Variants in DUS2 observed in about 807,000 individuals in gnomAD.
DUS2 encodes dihydrouridine synthase 2.
In DUS2, 52 loss-of-function variants were observed where a neutral mutation model predicts 71.3. That is an observed-to-expected ratio of 0.73 (90% CI 0.58 to 0.92). The LOEUF is 0.92. DUS2 is among the 40% of genes least tolerant of loss of function. The pLI is 0.00. For synonymous variants in DUS2, 204 were observed against 227.8 expected, an observed-to-expected ratio of 0.90 and a Z score of 0.94; for missense variants, 558 against 622.6, an observed-to-expected ratio of 0.90 and a Z score of 1.10.
At position 68,078,939 on chromosome 16, in the gene DUS2, T is replaced by A. The variant is rs780521867; in HGVS notation, c.1435T>A (p.Phe479Ile). The A allele has an allele frequency of 5.0e-6, 8 of 1,598,800 alleles. No individual in the cohort carries two copies. The highest frequency in any genetic ancestry group is 6.8e-6 in the Non-Finnish European group (8 of 1,170,224). ...AQPGDLCKKPFVALGSGEESP... is the reference protein window; with the variant it reads ...AQPGDLCKKPIVALGSGEESP... Reference sequence around the variant, plus strand: ...ACCTGGGGATCTGTGCAAGAAGCCCTTTGTGGCCTTGGGAAGTGGTGAAGA... The same window carrying A: ...ACCTGGGGATCTGTGCAAGAAGCCCATTGTGGCCTTGGGAAGTGGTGAAGA... Residue 479 changes from phenylalanine to isoleucine, a missense_variant, in exon 17 of 17, where the codon TTT (phenylalanine) becomes ATT (isoleucine). Coordinates refer to ENST00000565263, the MANE Select transcript of DUS2 (RefSeq NM_017803.5).
chr16:68,034,824 C>T (rs934872503), intron 2 of DUS2, among the ~76,000 whole-genome samples: 1 of 151,986 alleles, frequency 6.6e-6, no homozygotes, highest in African/African-American at 2.4e-5. Flanking sequence ...GGCAAAGCCC[C>T]ATTTCTACTA....
intron 2 of DUS2, among the ~76,000 whole-genome samples, chr16:68,031,973 G>A (rs983915158): frequency 6.6e-6 from 1 of 152,208 alleles, no homozygotes; most frequent in African/African-American, 2.4e-5. Context: ...GGGATTATAG[G>A]CATGAGCCAC....
intron 4 of DUS2, 30 bp downstream of exon 4, chr16:68,049,580 C>T (rs1199135830): frequency 3.1e-6 from 5 of 1,610,314 alleles, no homozygotes; most frequent in Non-Finnish European, 4.2e-6. Flanking sequence ...CAGAATTATG[C>T]ATATGCCCTG....
At chr16:68,029,170 A>G (rs1598298318) in intron 2 of DUS2, among the ~76,000 whole-genome samples, 1 of 151,668 alleles carries the variant, frequency 6.6e-6, no homozygotes, top group South Asian at 2.1e-4. Context: ...GTGCCGCTGC[A>G]CTCCAGCCTG....
intron 3 of DUS2, among the ~76,000 whole-genome samples, chr16:68,047,807 G>T (rs1212261493): frequency 2.0e-5 from 3 of 148,822 alleles, no homozygotes; most frequent in African/African-American, 7.4e-5. Flanking sequence ...TTTGAGACAG[G>T]TGTCACTCTG....
intron 3 of DUS2, 34 bp from the exon 4 acceptor site, chr16:68,049,471 C>T (rs1205828951): frequency 1.9e-6 from 3 of 1,611,796 alleles, no homozygotes; most frequent in Non-Finnish European, 2.5e-6. Flanking sequence ...CCTACATGTT[C>T]AGGAATGACA....
At position 68,070,974 on chromosome 16, in the gene DUS2, G is replaced by A; in HGVS notation, c.676G>A (p.Asp226Asn). The A allele has an allele frequency of 6.2e-7, 1 of 1,614,194 alleles. No homozygotes were observed. Among genetic ancestry groups the A allele is most frequent in the Non-Finnish European group, 8.5e-7 (1 of 1,180,034 alleles). Residue 226 changes from aspartate to asparagine, a missense_variant, in exon 12 of 17, where the codon GAC becomes AAC. By Grantham distance (23) the Asp-to-Asn change is conservative (BLOSUM62 1). Transcript: ENST00000565263. ...TCATGACCACATCCAACAGTATTCG[G>A]ACATAGAGGACTTTCGACAAGCCAC... The part of the protein sequence containing the change: ...GSHDHIQQYS[D>N]IEDFRQATAA...
intron 3 of DUS2, among the ~76,000 whole-genome samples, chr16:68,040,406 G>T (rs931515406): frequency 6.6e-6 from 1 of 152,182 alleles, no homozygotes; most frequent in East Asian, 1.9e-4. Context: ...CAAGCCCTTT[G>T]GAAGTTTAGG....
At chr16:68,024,297 C>A (rs888751440) in intron 1 of DUS2, among the ~76,000 whole-genome samples, 3 of 152,064 alleles carry the variant, frequency 2.0e-5, no homozygotes, top group Non-Finnish European at 2.9e-5. Context: ...CAGGGTTTCA[C>A]TATGTAGGCC....
chr16:68,074,237 G>A (rs2034127722), intron 13 of DUS2, 82 bp downstream of exon 13: 2 of 1,540,074 alleles, frequency 1.3e-6, no homozygotes, highest in Non-Finnish European at 1.8e-6. Flanking sequence ...ACTCCACCAG[G>A]GGACCAGGGA....
chr16:68,045,706 C>G (rs2033690600), intron 3 of DUS2, among the ~76,000 whole-genome samples: 1 of 148,178 alleles, frequency 6.7e-6, no homozygotes, highest in Admixed American at 6.7e-5. Context: ...CCTAATTGTC[C>G]TGGCTGGAAC....
intron 10 of DUS2, among the ~76,000 whole-genome samples, chr16:68,069,875 C>G (rs555951327): frequency 1.3e-5 from 2 of 152,270 alleles, no homozygotes; most frequent in South Asian, 4.1e-4. Flanking sequence ...ACCATGCCCC[C>G]CTGCAGCCAG....
intron 6 of DUS2, among the ~76,000 whole-genome samples, chr16:68,055,061 GT>G (rs1288551352): frequency 6.6e-6 from 1 of 151,162 alleles, no homozygotes; most frequent in Non-Finnish European, 1.5e-5. Context: ...AGAGTGTCTA[GT>G]TTCCTTCTCT....
intron 3 of DUS2, among the ~76,000 whole-genome samples, chr16:68,047,603 C>G (rs1318601276): frequency 6.6e-6 from 1 of 151,860 alleles, no homozygotes; most frequent in East Asian, 1.9e-4. Flanking sequence ...CCTGCCTCAG[C>G]CTCCTGAGTA....
intron 8 of DUS2, 99 bp downstream of exon 8, chr16:68,061,212 C>A: frequency 7.8e-7 from 1 of 1,277,328 alleles, no homozygotes; most frequent in Non-Finnish European, 1.1e-6. Flanking sequence ...TTACTGATGT[C>A]CACCCAGTTT....
intron 10 of DUS2, among the ~76,000 whole-genome samples, chr16:68,067,661 A>ATTG (rs748980813): frequency 1.2e-3 from 187 of 151,074 alleles, no homozygotes; most frequent in Admixed American, 3.4e-3. Flanking sequence ...TGTGTTTTTC[A>ATTG]TTGTTGTTGT....
chr16:68,047,343 C>T (rs34147411), intron 3 of DUS2, among the ~76,000 whole-genome samples: 15,418 of 152,018 alleles, frequency 0.1, 991 homozygotes, highest in Middle Eastern at 0.22. Context: ...CGTGAGCTGC[C>T]GCGTCTGGCC....
At chr16:68,069,779 G>T (rs149533356) in intron 10 of DUS2, among the ~76,000 whole-genome samples, 21 of 152,312 alleles carry the variant, frequency 1.4e-4, no homozygotes, top group Admixed American at 1.0e-3. Context: ...AGTAGGGGCA[G>T]CACTCTTATG....
At chr16:68,069,611 G>A (rs1021607795) in intron 10 of DUS2, among the ~76,000 whole-genome samples, 4 of 152,190 alleles carry the variant, frequency 2.6e-5, no homozygotes, top group Non-Finnish European at 4.4e-5. Flanking sequence ...TGGCAGCCAT[G>A]GTCCGTGCCT....
Sources: allele counts gnomAD v4.1 joint callset (sites outside exome capture counted in the v4.1 genomes callset), GRCh38; gene constraint gnomAD v4.1.1; transcripts MANE v1.5; gene names NCBI Gene and HGNC (gene_info 2026-07-23, HGNC 2026-07-21).